The following CPQ variants were observed in gnomAD, a reference collection of about 807,000 sequenced individuals.
CPQ encodes carboxypeptidase Q.
Under a neutral mutation model 45.7 loss-of-function variants are expected in CPQ, and 37 were observed. That is an observed-to-expected ratio of 0.81 (90% confidence interval 0.62 to 1.07). The LOEUF (loss-of-function observed/expected upper bound fraction) is 1.07, where lower values mean the gene tolerates loss of function less well. CPQ is among the 50% of genes least tolerant of loss of function. The pLI is 0.00. For synonymous variants in CPQ, 186 were observed against 205.8 expected, an observed-to-expected ratio of 0.90 and a Z score of 0.82; for missense variants, 537 against 572.9, an observed-to-expected ratio of 0.94 and a Z score of 0.64.
chr8:96,842,819 G>C (rs752305630), intron 3 of CPQ, among the ~76,000 whole-genome samples: 3 of 152,148 alleles, frequency 2.0e-5, no homozygotes, highest in Non-Finnish European at 2.9e-5. Context: ...TGCCTCATTG[G>C]TGCCTCAGTT....
chr8:97,057,850 G>A (rs909599237), intron 6 of CPQ, among the ~76,000 whole-genome samples: 5 of 152,120 alleles, frequency 3.3e-5, no homozygotes, highest in Non-Finnish European at 7.4e-5. Context: ...AACAAATTAG[G>A]GAGGGGTATG....
rs145850726 is a variant in CPQ at position 97,067,380 on chromosome 8, C to T, written c.1255+1170C>T. On this transcript the variant is annotated intron_variant, in intron 7 of 7. Coordinates refer to ENST00000220763, the MANE Select transcript of CPQ (RefSeq NM_016134.4). ...CCAAAAAAGTTAAAGGATCCATCTG[C>T]AAATTGTTCTGTATTTGTACTATAC... Among the ~76,000 whole-genome samples, 630 of 152,264 alleles carry T rather than the reference C, an allele frequency of 4.1e-3. 3 individuals carry two copies. The highest frequency in any genetic ancestry group is 0.022 in the South Asian group (108 of 4,828).
intron 7 of CPQ, among the ~76,000 whole-genome samples, chr8:97,122,927 T>TAAAATAAAATAAAATA (rs1336501970): frequency 2.6e-5 from 1 of 38,886 alleles, no homozygotes; most frequent in Non-Finnish European, 4.0e-5. Context: ...TAAAATAAAA[T>TAAAATAAAATAAAATA]AAATAAAATA....
intron 3 of CPQ, among the ~76,000 whole-genome samples, chr8:96,838,135 G>A (rs946555465): frequency 4.6e-5 from 7 of 152,116 alleles, no homozygotes; most frequent in African/African-American, 1.7e-4. Context: ...CTCTTTTTTG[G>A]TATTTCCACA....
In CPQ at chr8:97,082,175, A is replaced by T. The variant is rs1179810858; in HGVS notation, c.1255+15965A>T. ...TGGCATTTGAATGCTGTTAGGACAC[A>T]TATTCTCTCTCTCTTTCTCTCTCTG... On this transcript the variant is annotated intron_variant, in intron 7 of 7. Transcript: ENST00000220763. Among the ~76,000 whole-genome samples the T allele has an allele frequency of 2.0e-5, 3 of 152,252 alleles. No individual in the cohort carries two copies. In the East Asian group the frequency reaches 5.8e-4, roughly 29 times the overall value.
chr8:96,894,485 T>C (rs565058672), intron 4 of CPQ, among the ~76,000 whole-genome samples: 1 of 152,038 alleles, frequency 6.6e-6, no homozygotes, highest in Non-Finnish European at 1.5e-5. Context: ...GGCAAGTGTA[T>C]GCAAAAAAGT....
At chr8:97,135,145 C>T (rs978944408) in intron 7 of CPQ, among the ~76,000 whole-genome samples, 9 of 152,202 alleles carry the variant, frequency 5.9e-5, no homozygotes, top group Non-Finnish European at 1.5e-5. Context: ...ATAGAAGGTA[C>T]ATGGGCTTAG....
chr8:97,031,002 T>C (rs1455208787), intron 6 of CPQ, among the ~76,000 whole-genome samples: 1 of 151,942 alleles, frequency 6.6e-6, no homozygotes, highest in African/African-American at 2.4e-5. Flanking sequence ...GAATGCAAGA[T>C]GCACAGTGGT....
intron 7 of CPQ, among the ~76,000 whole-genome samples, chr8:97,141,164 A>C (rs1186144511): frequency 2.6e-5 from 4 of 152,126 alleles, no homozygotes; most frequent in Admixed American, 1.3e-4. Flanking sequence ...AACAGTATGG[A>C]TCTTACAGGA....
At chr8:96,913,988 T>C (rs1450398041) in intron 4 of CPQ, among the ~76,000 whole-genome samples, 1 of 152,202 alleles carries the variant, frequency 6.6e-6, no homozygotes, top group East Asian at 1.9e-4. Flanking sequence ...TCTACTTAAT[T>C]GTGCTGTGTG....
rs139290241 is a variant in CPQ at position 96,933,230 on chromosome 8, T to C, written c.850-32705T>C. On this transcript the variant is annotated intron_variant, in intron 4 of 7. Transcript: ENST00000220763. Reference sequence around the variant, plus strand: ...CTTTCAGTAGGCCCCAGCAAGGTCATGAATATCAGATTTGGTGAGAAAACG... The same window carrying C: ...CTTTCAGTAGGCCCCAGCAAGGTCACGAATATCAGATTTGGTGAGAAAACG... 5.9e-5 allele frequency among the ~76,000 whole-genome samples: 9 copies of C among 152,286 alleles called. No individual in the cohort carries two copies. The East Asian group carries it at 1.7e-3, about 29-fold the overall frequency.
At chr8:96,905,768 A>T (rs1299141719) in intron 4 of CPQ, among the ~76,000 whole-genome samples, 2 of 144,782 alleles carry the variant, frequency 1.4e-5, no homozygotes, top group Non-Finnish European at 3.1e-5. Flanking sequence ...ACCAAAAAAA[A>T]AAAAAAAAAA....
intron 7 of CPQ, among the ~76,000 whole-genome samples, chr8:97,120,030 A>G (rs1244382059): frequency 2.0e-5 from 3 of 152,248 alleles, no homozygotes; most frequent in Non-Finnish European, 4.4e-5. Context: ...ACTTGAATTT[A>G]TATTTTATTC....
At chr8:96,937,114 G>T (rs940510589) in intron 4 of CPQ, among the ~76,000 whole-genome samples, 1 of 151,920 alleles carries the variant, frequency 6.6e-6, no homozygotes, top group Non-Finnish European at 1.5e-5. Flanking sequence ...CCCTCAAAAA[G>T]CTTACAGTTT....
rs920409961 is a variant in CPQ, at chr8:96,785,192, G to A, written c.295G>A (p.Gly99Arg). 6 of 1,613,448 alleles carry A rather than the reference G, an allele frequency of 3.7e-6. No individual in the cohort carries two copies. In the African/African-American group the frequency reaches 6.7e-5, roughly 18 times the overall value. ...TATGTACCAAAACCTGCAGCAAGAT[G>A]GGCTGGAGAAAGTTCACCTGGAGCC... ...QIMYQNLQQD[G>R]LEKVHLEPVR... The change falls in exon 2 of 8, where the codon GGG becomes AGG. Residue 99 changes from glycine (G) to arginine (R), a missense_variant. Physicochemically the swap from Gly to Arg is moderately radical, Grantham distance 125. Transcript: ENST00000220763.
At chr8:96,951,646 G>A (rs982444925) in intron 4 of CPQ, among the ~76,000 whole-genome samples, 3 of 152,008 alleles carry the variant, frequency 2.0e-5, no homozygotes. Context: ...TTTTTAAGTG[G>A]AATAAGTTCA....
chr8:96,689,169 A>G (rs1809272392), intron 1 of CPQ, among the ~76,000 whole-genome samples: 1 of 152,222 alleles, frequency 6.6e-6, no homozygotes, highest in Non-Finnish European at 1.5e-5. Flanking sequence ...TCCCAAGACT[A>G]GCTTATGCTA....
chr8:96,940,671 A>G (rs900131017), intron 4 of CPQ, among the ~76,000 whole-genome samples: 1 of 152,210 alleles, frequency 6.6e-6, no homozygotes, highest in African/African-American at 2.4e-5. Context: ...AGTAGGTTCT[A>G]CTGAGTATTT....
intron 4 of CPQ, among the ~76,000 whole-genome samples, chr8:96,883,879 C>T (rs1812264639): frequency 6.6e-6 from 1 of 152,162 alleles, no homozygotes; most frequent in South Asian, 2.1e-4. Context: ...CTTTTTCCCG[C>T]CCTAATGGCT....
Sources: allele counts gnomAD v4.1 joint callset (sites outside exome capture counted in the v4.1 genomes callset), GRCh38; gene constraint gnomAD v4.1.1; transcripts MANE v1.5; gene names NCBI Gene and HGNC (gene_info 2026-07-23, HGNC 2026-07-21).